TKTL1: variants seen among roughly 807,000 people sequenced by gnomAD.
The protein encoded by TKTL1 is transketolase-like protein 1.
TKTL1 carries 1 observed loss-of-function variant against 39.3 expected under a neutral mutation model. The observed-to-expected ratio is 0.03, with a 90% CI of 0.01 to 0.12. The LOEUF is 0.12. TKTL1 is among the 10% of genes least tolerant of loss of function. The probability of loss-of-function intolerance (pLI) is 1.00; values close to 1 mark genes in which losing one functional copy is unlikely to be tolerated. For synonymous variants in TKTL1, 262 were observed against 193.8 expected, an observed-to-expected ratio of 1.35 and a Z score of -2.92; for missense variants, 575 against 509.6, an observed-to-expected ratio of 1.13 and a Z score of -1.24.
intron 9 of TKTL1, among the ~76,000 whole-genome samples, chrX:154,324,779 G>A (rs782452474): frequency 1.6e-4 from 18 of 112,001 alleles, no homozygotes; most frequent in South Asian, 3.7e-4. Context: ...CAGTAGCGAC[G>A]TTTCTTGCTA....
chrX:154,322,229 CAAA>C (rs34229834), intron 8 of TKTL1, among the ~76,000 whole-genome samples: 1,708 of 41,825 alleles, frequency 0.041, 48 homozygotes, highest in African/African-American at 0.13. Context: ...GAGGCTTTGT[CAAA>C]AAAAAAAAAA....
At chrX:154,301,445 A>G (rs1557165905) in intron 1 of TKTL1, among the ~76,000 whole-genome samples, 1 of 111,689 alleles carries the variant, frequency 9.0e-6, no homozygotes. Context: ...TGAACCCGGA[A>G]GGTGGAGGTT....
intron 12 of TKTL1, 112 bp from the exon 13 acceptor site, chrX:154,329,404 C>A (rs1247412767): frequency 3.7e-6 from 3 of 801,844 alleles, no homozygotes; most frequent in Non-Finnish European, 5.4e-6. Context: ...TGGCTGTTCA[C>A]ATGAATCAGA....
intron 1 of TKTL1, among the ~76,000 whole-genome samples, chrX:154,300,859 A>G (rs2067268220): frequency 9.1e-6 from 1 of 109,716 alleles, no homozygotes; most frequent in African/African-American, 3.3e-5. Context: ...CACCCGGCAA[A>G]TTTTTGTATT....
At chrX:154,315,148 C>T (rs782314300) in intron 6 of TKTL1, 25 bp from the exon 7 acceptor site, 1 of 1,198,682 alleles carries the variant, frequency 8.3e-7, no homozygotes, top group Non-Finnish European at 1.1e-6. Context: ...AGAAACTCTA[C>T]CACCTGATTG....
At chrX:154,322,587 T>C (rs2067460460) in intron 8 of TKTL1, among the ~76,000 whole-genome samples, 1 of 111,482 alleles carries the variant, frequency 9.0e-6, no homozygotes, top group African/African-American at 3.3e-5. Flanking sequence ...GGTTAGACAG[T>C]GGTCCTAGGC....
chrX:154,322,999 TCA>T (rs2067463770), intron 8 of TKTL1, among the ~76,000 whole-genome samples: 1 of 112,184 alleles, frequency 8.9e-6, no homozygotes, highest in African/African-American at 3.2e-5. Flanking sequence ...ACCCGAGGTG[TCA>T]CAGTGTGATC....
At position 154,305,454 on chromosome X, in the gene TKTL1, C is replaced by T. The variant is rs377319938; in HGVS notation, c.252+33C>T. On this transcript the variant is annotated intron_variant, in intron 2 of 12. Transcript: ENST00000369915. ...GGTGGGGAGCCCAGGGCTGCTGTGG[C>T]GCCTGCTGGTTAAGCCCAGTTTGAA... 68 of 1,189,144 alleles carry T rather than the reference C, an allele frequency of 5.7e-5. No individual in the cohort carries two copies. The South Asian group carries it at 8.1e-4, about 14-fold the overall frequency.
rs913505109 is a variant in TKTL1 at position 154,329,588 on chromosome X, C to T, written c.1691C>T (p.Ser564Leu). 6.6e-6 allele frequency: 8 copies of T among 1,209,963 alleles called. No individual in the cohort carries two copies. The highest frequency in any genetic ancestry group is 2.2e-5 in the Admixed American group (1 of 45,790). ...ATTCAGGTTCATTCGCTGGCAGTGT[C>T]GGGAGTGCCCCAGAGTGGGAAGTCC... The part of the protein sequence containing the change: ...PDIQVHSLAV[S>L]GVPQSGKSEE... The change falls in exon 13 of 13, where the codon TCG becomes TTG. Residue 564 changes from serine to leucine, a missense_variant. Coordinates refer to ENST00000369915, the MANE Select transcript of TKTL1 (RefSeq NM_012253.4).
chrX:154,312,776 A>C lies in TKTL1; in HGVS notation c.864+3A>C. The C allele has an allele frequency of 8.4e-7, 1 of 1,195,573 alleles. No individual in the cohort carries two copies. Among genetic ancestry groups the C allele is most frequent in the African/African-American group, 1.7e-5 (1 of 57,304 alleles). On this transcript the variant is annotated splice_donor_region_variant and intron_variant, in intron 6 of 12. Transcript: ENST00000369915. Reference sequence around the variant, plus strand: ...CTGATTACAGAGTTGGTGACAAGGTAGGCAGAAAGGTGGATAATTGAATAA... The same window carrying C: ...CTGATTACAGAGTTGGTGACAAGGTCGGCAGAAAGGTGGATAATTGAATAA...
Position 154,311,117 on chromosome X carries a change from C to G in TKTL1, c.549C>G (p.Asn183Lys), listed in dbSNP as rs782635972. The G allele has an allele frequency of 4.1e-6, 5 of 1,210,523 alleles. No individual in the cohort carries two copies. The highest frequency in any genetic ancestry group is 5.6e-6 in the Non-Finnish European group (5 of 895,269). ...CCTGCTCCTCTGTTGGCAGGTGGAACACTTATGTGGTGGACGGCCGGGACG... is the reference window on the plus strand; with the variant it reads ...CCTGCTCCTCTGTTGGCAGGTGGAAGACTTATGTGGTGGACGGCCGGGACG... Reference protein sequence around the residue: ...YQRRCEAFGWNTYVVDGRDVE... With the variant: ...YQRRCEAFGWKTYVVDGRDVE... The change falls in exon 5 of 13, where the codon AAC becomes AAG. Residue 183 changes from asparagine (N) to lysine (K), a missense_variant. Coordinates refer to ENST00000369915, the MANE Select transcript of TKTL1 (RefSeq NM_012253.4).
At chrX:154,327,276 G>A in intron 10 of TKTL1, 1 of 440,847 alleles carries the variant, frequency 2.3e-6, no homozygotes. Context: ...CACTCAGCGT[G>A]TTGCCAATGC....
At position 154,327,888 on chromosome X, in the gene TKTL1, C is replaced by T. The variant is rs782179503; in HGVS notation, c.1548C>T (p.Val516=). The part of the protein sequence containing the change: ...IDLFTIKPLD[V]ATIVSSAKAT... ...TGTTTACCATTAAACCTCTGGATGT[C>T]GCCACCATCGTCTCCAGTGCAAAAG... is the stretch of plus-strand genomic sequence containing the variant. Residue 516 remains valine, a synonymous_variant, in exon 12 of 13, where the codon GTC becomes GTT. Transcript: ENST00000369915. 6 of 1,209,686 alleles carry T rather than the reference C, an allele frequency of 5.0e-6. No individual in the cohort carries two copies. In the African/African-American group the frequency reaches 5.2e-5, roughly 11 times the overall value.
At chrX:154,327,222 G>A (rs1258949793) in intron 10 of TKTL1, 3 of 344,695 alleles carry the variant, frequency 8.7e-6, no homozygotes, top group Admixed American at 3.1e-5. Context: ...GATCTTACAG[G>A]GAGGCTGTGA....
intron 9 of TKTL1, 67 bp downstream of exon 9, chrX:154,323,404 G>T: frequency 9.1e-7 from 1 of 1,100,984 alleles, no homozygotes; most frequent in East Asian, 3.1e-5. Flanking sequence ...TCATACTGAT[G>T]ATTGGACTTT....
chrX:154,320,411 G>A (rs1047257009), intron 7 of TKTL1: 5 of 257,391 alleles, frequency 1.9e-5, no homozygotes, highest in African/African-American at 1.4e-4. Context: ...TAGCACAAGA[G>A]GGGAGGAGGA....
chrX:154,319,131 T>TA (rs1267823534), intron 7 of TKTL1, among the ~76,000 whole-genome samples: 1 of 112,013 alleles, frequency 8.9e-6, no homozygotes, highest in Non-Finnish European at 1.9e-5. Flanking sequence ...TATGAAACCT[T>TA]ACTTACATGA....
chrX:154,315,126 A>G lies in TKTL1; in HGVS notation c.865-47A>G, dbSNP rs1557169074. 7 of 1,152,142 alleles carry G rather than the reference A, an allele frequency of 6.1e-6. No homozygotes were observed. The South Asian group carries it at 1.1e-4, about 19-fold the overall frequency. 94.9% of individuals were successfully genotyped at this position (1,152,142 alleles called of 1,213,427 possible). ...CCTTCCTTCTGTAGTCGTTCCTTCT[A>G]AATGCATTTGAAGAAACTCTACCAC... On this transcript the variant is annotated intron_variant, in intron 6 of 12. Transcript: ENST00000369915.
At chrX:154,315,125 T>TA (rs782779534) in intron 6 of TKTL1, 48 bp from the exon 7 acceptor site, 2 of 1,147,103 alleles carry the variant, frequency 1.7e-6, no homozygotes, top group East Asian at 6.0e-5. Context: ...TCGTTCCTTC[T>TA]AAATGCATTT....
Sources: gnomAD v4.1 joint callset for allele counts (sites outside exome capture counted in the v4.1 genomes callset) on GRCh38, gnomAD v4.1.1 for gene constraint, MANE v1.5 for transcripts, NCBI Gene and HGNC (gene_info 2026-07-23, HGNC 2026-07-21) for gene names.